Variants in DACH2 observed in about 807,000 individuals in gnomAD.
DACH2 encodes the protein dachshund homolog 2.
DACH2 carries 17 observed loss-of-function variants against 35.8 expected under a neutral mutation model. The observed-to-expected ratio is 0.48, with a 90% CI of 0.33 to 0.71. The LOEUF (loss-of-function observed/expected upper bound fraction) is 0.71. Ranked by LOEUF, DACH2 falls within the 30% of genes least tolerant of loss-of-function variation. The pLI, the probability that DACH2 is intolerant of heterozygous loss-of-function variation, is 0.02. For missense variants in DACH2, 469 were observed against 472.7 expected, an observed-to-expected ratio of 0.99 and a Z score of 0.07; for synonymous variants, 195 against 177.3, an observed-to-expected ratio of 1.10 and a Z score of -0.79.
chrX:86,442,903 T>C (rs2037193885), intron 2 of DACH2, among the ~76,000 whole-genome samples: 3 of 111,619 alleles, frequency 2.7e-5, no homozygotes, highest in African/African-American at 9.8e-5. Context: ...GGATTTATTT[T>C]TGGGCTATCT....
intron 5 of DACH2, among the ~76,000 whole-genome samples, chrX:86,697,271 A>G (rs993863610): frequency 9.0e-6 from 1 of 111,508 alleles, no homozygotes; most frequent in African/African-American, 3.3e-5. Flanking sequence ...GAATTTTCAG[A>G]CCCTATTTAT....
intron 2 of DACH2, among the ~76,000 whole-genome samples, chrX:86,498,831 C>A (rs2038209555): frequency 8.9e-6 from 1 of 111,821 alleles, no homozygotes; most frequent in Non-Finnish European, 1.9e-5. Flanking sequence ...AATAGCATTT[C>A]TCTCAAAAGT....
chrX:86,823,423 C>A (rs1354675667), intron 11 of DACH2, among the ~76,000 whole-genome samples: 1 of 111,940 alleles, frequency 8.9e-6, no homozygotes, highest in Non-Finnish European at 1.9e-5. Flanking sequence ...AACCTCTTGA[C>A]CCTTTCAAGT....
Position 86,729,311 on chromosome X carries a change from G to T in DACH2, c.1105-10436G>T, listed in dbSNP as rs981222310. On this transcript the variant is annotated intron_variant, in intron 6 of 11. Transcript: ENST00000373125. ...TCTTTTGGCTGATTTCTCTCTTTTG[G>T]AACATGAATGTTTACCCAATGCCTA... is the stretch of plus-strand genomic sequence containing the variant. 2.7e-5 allele frequency among the ~76,000 whole-genome samples: 3 copies of T among 111,987 alleles called. No individual in the cohort carries two copies. The Admixed American group carries it at 2.8e-4, about 11-fold the overall frequency.
intron 2 of DACH2, among the ~76,000 whole-genome samples, chrX:86,508,276 C>T (rs968899732): frequency 3.6e-5 from 4 of 111,026 alleles, no homozygotes; most frequent in Non-Finnish European, 1.9e-5. Context: ...TATTAATGTG[C>T]GGCTGGGCGA....
At chrX:86,477,362 AT>A (rs2037861364) in intron 2 of DACH2, among the ~76,000 whole-genome samples, 1 of 102,307 alleles carries the variant, frequency 9.8e-6, no homozygotes, top group African/African-American at 3.5e-5. Context: ...ATATATATAT[AT>A]ATATATAATT....
intron 2 of DACH2, among the ~76,000 whole-genome samples, chrX:86,506,993 A>C (rs1346833709): frequency 8.9e-6 from 1 of 111,809 alleles, no homozygotes; most frequent in African/African-American, 3.3e-5. Context: ...ACGATTGTTC[A>C]AGGTGCTTTT....
rs748592273 is a variant in DACH2, at chrX:86,398,363, A to G, written c.527+21501A>G. 1.2e-3 allele frequency among the ~76,000 whole-genome samples: 134 copies of G among 112,151 alleles called. 2 individuals are homozygous for G. Among genetic ancestry groups the G allele is most frequent in the African/African-American group, 4.1e-3 (126 of 30,833 alleles). On this transcript the variant is annotated intron_variant, in intron 2 of 11. Transcript: ENST00000373125. ...AGCTCCTGGATTCATTGATTTTTTG[A>G]AGGGTTTTTTTGTGTCTCTATTTCC...
intron 1 of DACH2, among the ~76,000 whole-genome samples, chrX:86,332,184 T>G (rs11092792): frequency 0.19 from 21,460 of 110,508 alleles, 2,485 homozygotes; most frequent in African/African-American, 0.43. Flanking sequence ...TATGGCATGT[T>G]GATATATGTC....
At chrX:86,449,888 C>CTTT (rs1030676309) in intron 2 of DACH2, among the ~76,000 whole-genome samples, 2 of 111,430 alleles carry the variant, frequency 1.8e-5, no homozygotes, top group Admixed American at 1.9e-4. Flanking sequence ...CGTCTTTTTA[C>CTTT]TTACATACTT....
chrX:86,556,827 G>GAGAGAGAGAGAGAGAGAGA (rs551353364), intron 3 of DACH2, among the ~76,000 whole-genome samples: 1 of 85,567 alleles, frequency 1.2e-5, no homozygotes, highest in Non-Finnish European at 2.4e-5. Flanking sequence ...GAGAGAGAGA[G>GAGAGAGAGAGAGAGAGAGA]AGAAGAAGAA....
At chrX:86,272,475 T>A (rs1210802649) in intron 1 of DACH2, among the ~76,000 whole-genome samples, 1 of 111,023 alleles carries the variant, frequency 9.0e-6, no homozygotes, top group African/African-American at 3.3e-5. Flanking sequence ...GCAACAACAA[T>A]GAGAAAAATA....
intron 1 of DACH2, among the ~76,000 whole-genome samples, chrX:86,256,474 C>G (rs1254449524): frequency 1.8e-5 from 2 of 111,339 alleles, no homozygotes; most frequent in African/African-American, 6.5e-5. Flanking sequence ...CTCTAAGATG[C>G]TTTCAATGGT....
At chrX:86,829,936 T>C (rs2042597275) in intron 11 of DACH2, 2 of 111,453 alleles carry the variant, frequency 1.8e-5, no homozygotes, top group Admixed American at 9.6e-5. Flanking sequence ...ATCTTTAATC[T>C]TATTGACATC....
chrX:86,561,936 A>G (rs1001886616), intron 3 of DACH2, among the ~76,000 whole-genome samples: 1 of 101,884 alleles, frequency 9.8e-6, no homozygotes, highest in Non-Finnish European at 2.0e-5. Flanking sequence ...TTCAGCAAGG[A>G]TTCAGGATGC....
At chrX:86,281,457 A>G (rs2034026686) in intron 1 of DACH2, among the ~76,000 whole-genome samples, 1 of 111,720 alleles carries the variant, frequency 9.0e-6, no homozygotes, top group Non-Finnish European at 1.9e-5. Flanking sequence ...ACACCCCGTC[A>G]TGCTAAACAC....
chrX:86,336,973 A>G (rs1207549720), intron 1 of DACH2, among the ~76,000 whole-genome samples: 2 of 108,445 alleles, frequency 1.8e-5, no homozygotes, highest in Non-Finnish European at 3.8e-5. Flanking sequence ...AAGAAAGGAT[A>G]TCAGAGATTG....
intron 2 of DACH2, among the ~76,000 whole-genome samples, chrX:86,442,862 T>C (rs1197124038): frequency 6.3e-5 from 7 of 111,975 alleles, no homozygotes; most frequent in African/African-American, 1.9e-4. Context: ...CAGTAGGTTG[T>C]AAACACATGG....
At chrX:86,656,037 C>G (rs755256616) in intron 4 of DACH2, among the ~76,000 whole-genome samples, 19 of 101,028 alleles carry the variant, frequency 1.9e-4, no homozygotes, top group South Asian at 4.8e-4. Flanking sequence ...GCTCCCCCCC[C>G]CCACTAATCT....
Sources: gnomAD v4.1 joint callset for allele counts (sites outside exome capture counted in the v4.1 genomes callset) on GRCh38, gnomAD v4.1.1 for gene constraint, MANE v1.5 for transcripts, NCBI Gene and HGNC (gene_info 2026-07-23, HGNC 2026-07-21) for gene names.